LDLRAD4: variants seen among roughly 807,000 people sequenced by gnomAD.
The protein encoded by LDLRAD4 is low density lipoprotein receptor class A domain containing 4.
A neutral mutation model predicts 17.0 loss-of-function variants in LDLRAD4; 5 were observed. That is an observed-to-expected ratio of 0.29 (90% CI 0.15 to 0.62). The LOEUF (loss-of-function observed/expected upper bound fraction) is 0.62. LDLRAD4 is among the 20% of genes least tolerant of loss of function. The pLI is 0.84. For synonymous variants in LDLRAD4, 168 were observed against 171.8 expected (o/e 0.98, Z 0.17); for missense variants, 340 against 424.7 (o/e 0.80, Z 1.75).
At position 13,307,428 on chromosome 18, in the gene LDLRAD4, T is replaced by A. The variant is rs559397344; in HGVS notation, c.-383+29240T>A. Among the ~76,000 whole-genome samples the A allele has an allele frequency of 1.9e-3, 288 of 151,844 alleles. 2 individuals are homozygous for A. The highest frequency in any genetic ancestry group is 6.5e-3 in the African/African-American group (269 of 41,240). On this transcript the variant is annotated intron_variant, in intron 1 of 5. Transcript: ENST00000359446. ...TTTTCTTTTTTTAATTAAAAAAAAA[T>A]TTTTTAAGAGACAGGGTCTTGCAGT...
chr18:13,566,032 G>A (rs1443404235), intron 3 of LDLRAD4, among the ~76,000 whole-genome samples: 2 of 152,156 alleles, frequency 1.3e-5, no homozygotes, highest in Non-Finnish European at 2.9e-5. Flanking sequence ...TCTGGGACCC[G>A]CATCATCTCA....
chr18:13,432,671 A>G (rs1416649551), intron 2 of LDLRAD4, among the ~76,000 whole-genome samples: 1 of 151,998 alleles, frequency 6.6e-6, no homozygotes, highest in Non-Finnish European at 1.5e-5. Context: ...TTCCTGATTT[A>G]TGTTTTGTGT....
At chr18:13,502,516 A>G (rs1397533369) in intron 3 of LDLRAD4, among the ~76,000 whole-genome samples, 1 of 152,246 alleles carries the variant, frequency 6.6e-6, no homozygotes, top group African/African-American at 2.4e-5. Context: ...CTGAGCTCGT[A>G]AGTGTACAAT....
chr18:13,510,692 T>C (rs2093764001), intron 3 of LDLRAD4, among the ~76,000 whole-genome samples: 1 of 152,096 alleles, frequency 6.6e-6, no homozygotes, highest in South Asian at 2.1e-4. Context: ...TCTTTAAAAA[T>C]ATGAGGAAAG....
intron 1 of LDLRAD4, among the ~76,000 whole-genome samples, chr18:13,322,792 T>G (rs1175878655): frequency 8.6e-5 from 13 of 150,652 alleles, no homozygotes; most frequent in Non-Finnish European, 1.3e-4. Flanking sequence ...TAATTTTTTT[T>G]TTTTTTTTTT....
chr18:13,589,393 G>T (rs576055875), intron 3 of LDLRAD4, among the ~76,000 whole-genome samples: 16 of 152,310 alleles, frequency 1.1e-4, no homozygotes, highest in African/African-American at 3.8e-4. Context: ...ACCTAGGAAG[G>T]CTTCAGCTGT....
intron 1 of LDLRAD4, among the ~76,000 whole-genome samples, chr18:13,299,260 A>G (rs932174637): frequency 1.3e-5 from 2 of 152,248 alleles, no homozygotes; most frequent in African/African-American, 4.8e-5. Context: ...TCTCAAGCAT[A>G]TAGTGTGCCT....
intron 3 of LDLRAD4, among the ~76,000 whole-genome samples, chr18:13,595,747 T>C (rs765835518): frequency 3.3e-5 from 5 of 152,252 alleles, no homozygotes; most frequent in African/African-American, 4.8e-5. Flanking sequence ...TCTAGTGTTA[T>C]TGTATTTTAA....
At chr18:13,649,757 T>C (rs184046886) in exon 6 of LDLRAD4, 51 of 328,592 alleles carry the variant, frequency 1.6e-4, no homozygotes, top group African/African-American at 9.7e-4. Flanking sequence ...AAGAAAAAAC[T>C]GGGAAAGATA....
chr18:13,543,968 G>A (rs1226131815), intron 3 of LDLRAD4, among the ~76,000 whole-genome samples: 1 of 152,256 alleles, frequency 6.6e-6, no homozygotes, highest in African/African-American at 2.4e-5. Flanking sequence ...ACCAGGACGA[G>A]GCCTGCCCCG....
intron 3 of LDLRAD4, among the ~76,000 whole-genome samples, chr18:13,498,100 G>T (rs1737714416): frequency 6.9e-6 from 1 of 145,124 alleles, no homozygotes; most frequent in African/African-American, 2.6e-5. Context: ...GGACACTGGA[G>T]AATCCTTCTG....
At chr18:13,343,996 G>A (rs932584154) in intron 1 of LDLRAD4, among the ~76,000 whole-genome samples, 1 of 152,178 alleles carries the variant, frequency 6.6e-6, no homozygotes, top group Non-Finnish European at 1.5e-5. Context: ...TTTGTCAGAT[G>A]AGTAGATTGC....
At chr18:13,495,100 T>C (rs1036364907) in intron 3 of LDLRAD4, among the ~76,000 whole-genome samples, 5 of 152,160 alleles carry the variant, frequency 3.3e-5, no homozygotes, top group Non-Finnish European at 7.4e-5. Context: ...AAATGACCTC[T>C]GAATATACAT....
intron 1 of LDLRAD4, among the ~76,000 whole-genome samples, chr18:13,238,908 C>T (rs1022619295): frequency 6.6e-6 from 1 of 152,132 alleles, no homozygotes; most frequent in African/African-American, 2.4e-5. Flanking sequence ...GCTTGTAAGG[C>T]CAGGCGGGTG....
intron 1 of LDLRAD4, among the ~76,000 whole-genome samples, chr18:13,289,556 A>G (rs1394237625): frequency 6.6e-6 from 1 of 152,192 alleles, no homozygotes; most frequent in Admixed American, 6.5e-5. Context: ...ATCTTTTGGG[A>G]GCTTCAGTGA....
intron 3 of LDLRAD4, among the ~76,000 whole-genome samples, chr18:13,599,025 G>A (rs961542968): frequency 1.3e-5 from 2 of 152,204 alleles, no homozygotes; most frequent in East Asian, 1.9e-4. Context: ...CCCTAAGAGT[G>A]GGGGTGAGGA....
intron 3 of LDLRAD4, among the ~76,000 whole-genome samples, chr18:13,554,033 C>G (rs1451150997): frequency 6.6e-6 from 1 of 152,154 alleles, no homozygotes; most frequent in Non-Finnish European, 1.5e-5. Flanking sequence ...AGTCACATAG[C>G]ATTTAATCAC....
chr18:13,517,846 C>G (rs946900234), intron 3 of LDLRAD4, among the ~76,000 whole-genome samples: 1 of 152,170 alleles, frequency 6.6e-6, no homozygotes, highest in Non-Finnish European at 1.5e-5. Flanking sequence ...TCATGCCATT[C>G]TCCTGCCTCA....
chr18:13,406,060 C>T (rs17681910), intron 2 of LDLRAD4, among the ~76,000 whole-genome samples: 66,215 of 152,182 alleles, frequency 0.44, 16,535 homozygotes, highest in Non-Finnish European at 0.55. Flanking sequence ...GTTGCCTCTA[C>T]TTTTGCAGCA....
Sources: gnomAD v4.1 joint callset for allele counts (sites outside exome capture counted in the v4.1 genomes callset) on GRCh38, gnomAD v4.1.1 for gene constraint, MANE v1.5 for transcripts, NCBI Gene and HGNC (gene_info 2026-07-23, HGNC 2026-07-21) for gene names.